The following C2CD3 variants were observed in gnomAD, a reference collection of about 807,000 sequenced individuals.
C2CD3 encodes the protein C2 domain-containing protein 3.
A neutral mutation model predicts 234.0 loss-of-function variants in C2CD3; 148 were observed. The ratio of observed to expected loss-of-function variants is 0.63; its 90% CI spans 0.55 to 0.72. C2CD3 has a LOEUF of 0.72. C2CD3 is among the 30% of genes least tolerant of loss of function. The pLI is 0.00. For synonymous variants in C2CD3, 1,000 were observed against 1,035.4 expected (o/e 0.97, Z 0.66); for missense variants, 2,577 against 2,811.5 (o/e 0.92, Z 1.89).
Position 74,057,562 on chromosome 11 carries a change from G to T in C2CD3, c.4952-18C>A. The stretch of plus-strand genomic sequence containing the variant: ...GGGGCTCCCTGAAATAGAATAAAGT[G>T]CAGTGACTGTACTTTAGGGTACACA... On this transcript the variant is annotated intron_variant, in intron 24 of 32. Transcript: ENST00000334126. 1.2e-6 allele frequency: 2 copies of T among 1,612,884 alleles called. No homozygotes were observed. Among genetic ancestry groups the T allele is most frequent in the African/African-American group, 2.7e-5 (2 of 75,026 alleles).
chr11:74,124,420 T>C (rs1281448124), intron 7 of C2CD3, among the ~76,000 whole-genome samples: 2 of 152,170 alleles, frequency 1.3e-5, no homozygotes, highest in Non-Finnish European at 1.5e-5. Context: ...CCTGCTGACA[T>C]GTTGGGTCAG....
intron 32 of C2CD3, among the ~76,000 whole-genome samples, chr11:74,018,297 A>T (rs940364271): frequency 6.6e-6 from 1 of 152,140 alleles, no homozygotes; most frequent in African/African-American, 2.4e-5. Flanking sequence ...ATCCCTGGCA[A>T]AGGGTCAGGC....
intron 23 of C2CD3, among the ~76,000 whole-genome samples, chr11:74,076,188 G>T (rs1295272784): frequency 6.6e-6 from 1 of 152,136 alleles, no homozygotes; most frequent in Non-Finnish European, 1.5e-5. Context: ...ATAAAACAGA[G>T]CACATGGCAT....
chr11:74,159,765 T>C (rs1222138668), intron 3 of C2CD3, among the ~76,000 whole-genome samples: 1 of 151,968 alleles, frequency 6.6e-6, no homozygotes, highest in Non-Finnish European at 1.5e-5. Context: ...CTTCTAAGTG[T>C]ACAGTGTTTA....
intron 24 of C2CD3, among the ~76,000 whole-genome samples, chr11:74,067,643 G>A (rs1246946775): frequency 6.6e-6 from 1 of 152,150 alleles, no homozygotes; most frequent in Non-Finnish European, 1.5e-5. Context: ...TAATGTAAAT[G>A]TATAAAATAT....
chr11:74,151,280 A>C (rs1407673689), intron 3 of C2CD3, among the ~76,000 whole-genome samples: 1 of 151,492 alleles, frequency 6.6e-6, no homozygotes, highest in Non-Finnish European at 1.5e-5. Context: ...AAGTCTTCCT[A>C]AATTGCCTGT....
chr11:74,100,464 T>C (rs1956270908), intron 15 of C2CD3, 61 bp downstream of exon 15: 2 of 1,464,384 alleles, frequency 1.4e-6, no homozygotes, highest in Non-Finnish European at 1.9e-6. Flanking sequence ...AAAGAATTCC[T>C]TTTCAGTCCA....
rs1172834487 is a variant in C2CD3, at chr11:74,051,265, G to A, written c.5156-1723C>T. Among the ~76,000 whole-genome samples, 6 of 146,352 alleles carry A rather than the reference G, an allele frequency of 4.1e-5. 1 individual carries two copies. The highest frequency in any genetic ancestry group is 8.3e-5 in the African/African-American group (3 of 36,316). On this transcript the variant is annotated intron_variant, in intron 26 of 32. Coordinates refer to ENST00000334126, the MANE Select transcript of C2CD3 (RefSeq NM_001286577.2). ...GAGCATAATCCTACCACTGCACTCC[G>A]GCCTGGGAAACAAAGTGAGATCTTG...
At chr11:74,073,768 T>C (rs1388286627) in intron 24 of C2CD3, among the ~76,000 whole-genome samples, 1 of 152,200 alleles carries the variant, frequency 6.6e-6, no homozygotes, top group African/African-American at 2.4e-5. Flanking sequence ...ACTGCCTATA[T>C]TCATAATGAG....
chr11:74,148,593 A>T (rs1555062028), intron 3 of C2CD3, among the ~76,000 whole-genome samples: 1 of 151,584 alleles, frequency 6.6e-6, no homozygotes, highest in Non-Finnish European at 1.5e-5. Context: ...TGACTCATTT[A>T]TTTTTTTTGA....
chr11:74,037,845 T>C, intron 29 of C2CD3, 147 bp from the exon 30 acceptor site: 1 of 652,474 alleles, frequency 1.5e-6, no homozygotes. Flanking sequence ...CTCTCTCCAA[T>C]CCACCAACTC....
chr11:74,119,317 A>G (rs955025692), intron 8 of C2CD3, among the ~76,000 whole-genome samples: 1 of 152,172 alleles, frequency 6.6e-6, no homozygotes, highest in Non-Finnish European at 1.5e-5. Context: ...TGAGAGAACC[A>G]ATGGCTAAGC....
At chr11:74,089,121 C>T (rs1955778286) in intron 20 of C2CD3, among the ~76,000 whole-genome samples, 1 of 151,906 alleles carries the variant, frequency 6.6e-6, no homozygotes, top group South Asian at 2.1e-4. Context: ...AATAGGAATG[C>T]ATAATTAAAA....
chr11:74,127,477 T>C (rs76343879), intron 7 of C2CD3, among the ~76,000 whole-genome samples: 1 of 132,150 alleles, frequency 7.6e-6, no homozygotes, highest in East Asian at 2.0e-4. Context: ...GGTTGCTTAA[T>C]TTTTTTTTTT....
rs554679419 is a variant in C2CD3, at chr11:74,128,482, T to C, written c.1217+4362A>G. 2.0e-5 allele frequency: 3 copies of C among 152,326 alleles called. No individual in the cohort carries two copies. In the South Asian group the frequency reaches 6.2e-4, roughly 32 times the overall value. The allele number at this position is 152,326 out of a possible 1,614,324, so 9.4% of individuals were successfully genotyped here. A position where few individuals can be genotyped will look rare whatever the true frequency, so the allele number is the denominator to read the frequency against. Reference sequence around the variant, plus strand: ...TCAAGGTCACAGATTTACCTTTATGTTTTCTCTAAGAGTTTTATAGTTTTA... The same window carrying C: ...TCAAGGTCACAGATTTACCTTTATGCTTTCTCTAAGAGTTTTATAGTTTTA... On this transcript the variant is annotated intron_variant, in intron 7 of 32. Transcript: ENST00000334126.
intron 3 of C2CD3, among the ~76,000 whole-genome samples, chr11:74,145,853 GTTC>G (rs1855147725): frequency 6.6e-6 from 1 of 152,070 alleles, no homozygotes; most frequent in South Asian, 2.1e-4. Flanking sequence ...CCTTCTCTTT[GTTC>G]TTTGAACATA....
At position 74,162,148 on chromosome 11, in the gene C2CD3, T is replaced by C. The variant is rs1327590498; in HGVS notation, c.326-592A>G. Among the ~76,000 whole-genome samples the C allele has an allele frequency of 5.3e-5, 8 of 152,098 alleles. No individual in the cohort carries two copies. The East Asian group carries it at 9.6e-4, about 18-fold the overall frequency. On this transcript the variant is annotated intron_variant, in intron 2 of 32. Transcript: ENST00000334126. ...TAAACTTTATTTTACAAGCTGTAAA[T>C]TGATCTATGTACCAGAATATTTAAT...
chr11:74,140,356 C>T (rs1479331770), intron 3 of C2CD3, among the ~76,000 whole-genome samples: 2 of 152,184 alleles, frequency 1.3e-5, no homozygotes, highest in Non-Finnish European at 2.9e-5. Context: ...AGTATTCCTT[C>T]TTTACGTCTA....
Position 74,057,541 on chromosome 11 carries a change from C to A in C2CD3, c.4955G>T (p.Ser1652Ile). Residue 1652 changes from serine to isoleucine, a missense_variant, in exon 25 of 33, where the codon AGC becomes ATC. Coordinates refer to ENST00000334126, the MANE Select transcript of C2CD3 (RefSeq NM_001286577.2). ...ERAMHLSLKG[S>I]PLTERKVSIP... is the part of the protein sequence containing the mutation. ...CGATACTTTCCGCTCTGTCAAGGGG[C>A]TCCCTGAAATAGAATAAAGTGCAGT... The A allele has an allele frequency of 6.2e-7, 1 of 1,614,142 alleles. No individual in the cohort carries two copies. The highest frequency in any genetic ancestry group is 8.5e-7 in the Non-Finnish European group (1 of 1,179,996).
Sources: allele counts gnomAD v4.1 joint callset (sites outside exome capture counted in the v4.1 genomes callset), GRCh38; gene constraint gnomAD v4.1.1; transcripts MANE v1.5; gene names NCBI Gene and HGNC (gene_info 2026-07-23, HGNC 2026-07-21).